Variants in NBAS observed in about 807,000 individuals in gnomAD.
NBAS encodes NAG/BC035112 fusion.
Under a neutral mutation model 302.5 loss-of-function variants are expected in NBAS, and 219 were observed. The observed-to-expected ratio is 0.72, with a 90% confidence interval of 0.65 to 0.81. The LOEUF is 0.81. NBAS is among the 30% of genes least tolerant of loss of function. The pLI, the probability that NBAS is intolerant of heterozygous loss-of-function variation, is 0.00. For synonymous variants in NBAS, 1,118 were observed against 1,021.6 expected, an observed-to-expected ratio of 1.09 and a Z score of -1.80; for missense variants, 2,932 against 2,841.6, an observed-to-expected ratio of 1.03 and a Z score of -0.72.
intron 11 of NBAS, among the ~76,000 whole-genome samples, chr2:15,491,617 T>C (rs1175093343): frequency 6.6e-6 from 1 of 151,834 alleles, no homozygotes; most frequent in Non-Finnish European, 1.5e-5. Context: ...GCGCCTGTAG[T>C]CCCAACTACT....
At chr2:15,049,172 C>T in the NBAS span, among the ~76,000 whole-genome samples, 1 of 152,188 alleles carries the variant, frequency 6.6e-6, no homozygotes, top group Non-Finnish European at 1.5e-5. Context: ...GACTCAAGGC[C>T]GGCAGCTGCG....
chr2:15,033,022 G>GACT, the NBAS span, among the ~76,000 whole-genome samples: 65 of 152,188 alleles, frequency 4.3e-4, no homozygotes, highest in Admixed American at 4.3e-3. Context: ...TTAAGAACTT[G>GACT]ACTACTATCC....
intron 21 of NBAS, among the ~76,000 whole-genome samples, chr2:15,443,722 T>A (rs1319448618): frequency 6.6e-6 from 1 of 150,946 alleles, no homozygotes; most frequent in African/African-American, 2.4e-5. Flanking sequence ...TGTCCCTGTT[T>A]GCAGACGACA....
chr2:15,006,492 T>C, the NBAS span, among the ~76,000 whole-genome samples: 8 of 152,094 alleles, frequency 5.3e-5, no homozygotes, highest in Non-Finnish European at 1.0e-4. Flanking sequence ...ACTGAAAAAA[T>C]ATTAATTGTA....
At chr2:14,788,126 C>T in the NBAS span, among the ~76,000 whole-genome samples, 5 of 152,300 alleles carry the variant, frequency 3.3e-5, no homozygotes, top group South Asian at 1.0e-3. Context: ...GCTCCTGAGG[C>T]TCTTGCATTC....
At chr2:15,548,634 C>T (rs928902524) in intron 6 of NBAS, among the ~76,000 whole-genome samples, 1 of 151,856 alleles carries the variant, frequency 6.6e-6, no homozygotes, top group Non-Finnish European at 1.5e-5. Context: ...CAGAGCAAGA[C>T]TTCATCTCAA....
the NBAS span, among the ~76,000 whole-genome samples, chr2:15,059,394 G>A: frequency 6.6e-6 from 1 of 151,968 alleles, no homozygotes; most frequent in African/African-American, 2.4e-5. Flanking sequence ...GAATTATAAG[G>A]TTTCTTAACC....
the NBAS span, among the ~76,000 whole-genome samples, chr2:15,148,347 T>C: frequency 6.6e-6 from 1 of 152,178 alleles, no homozygotes; most frequent in Non-Finnish European, 1.5e-5. Flanking sequence ...GTGGTCACTG[T>C]GGTTCTCTGC....
At chr2:15,264,756 G>C (rs1373032002) in intron 44 of NBAS, among the ~76,000 whole-genome samples, 1 of 152,164 alleles carries the variant, frequency 6.6e-6, no homozygotes, top group Admixed American at 6.6e-5. Flanking sequence ...TTTACTTCAT[G>C]GAGCTGGTGG....
the NBAS span, among the ~76,000 whole-genome samples, chr2:15,102,209 C>A: frequency 2.9e-3 from 445 of 152,232 alleles, 1 homozygote; most frequent in African/African-American, 0.01. Flanking sequence ...TGAGAGAAGA[C>A]GCAAGGTCAA....
At chr2:15,133,540 A>C in the NBAS span, among the ~76,000 whole-genome samples, 1 of 152,210 alleles carries the variant, frequency 6.6e-6, no homozygotes, top group Non-Finnish European at 1.5e-5. Context: ...ATATATGTCC[A>C]GTAGCTTTGG....
Position 15,328,245 on chromosome 2 carries a change from C to A in NBAS, c.4415G>T (p.Cys1472Phe). Reference protein sequence around the residue: ...TANEDLEKQGCHPFYESVISN... With the variant: ...TANEDLEKQGFHPFYESVISN... The stretch of plus-strand genomic sequence containing the variant: ...GATGACAGATTCATAAAAAGGATGA[C>A]ACCCTTGTTTCTCTAGATCTTCATT... The change falls in exon 37 of 52, where the codon TGT becomes TTT. Residue 1472 changes from cysteine to phenylalanine, a missense_variant. Cys to Phe is a radical substitution (Grantham distance 205). Transcript: ENST00000281513. 6.2e-7 allele frequency: 1 copy of A among 1,613,962 alleles called. No homozygotes were observed. The highest frequency in any genetic ancestry group is 8.5e-7 in the Non-Finnish European group (1 of 1,179,918).
the NBAS span, among the ~76,000 whole-genome samples, chr2:14,804,839 G>C: frequency 6.6e-6 from 1 of 152,154 alleles, no homozygotes; most frequent in Non-Finnish European, 1.5e-5. Context: ...ACTTGGAAAG[G>C]TTAGATAGTT....
At chr2:15,510,127 C>T (rs1230767011) in intron 10 of NBAS, among the ~76,000 whole-genome samples, 1 of 152,218 alleles carries the variant, frequency 6.6e-6, no homozygotes, top group Admixed American at 6.5e-5. Flanking sequence ...GGATTACAGG[C>T]GTGAGCCACC....
chr2:15,367,913 T>A lies in NBAS; in HGVS notation c.3704-1220A>T, dbSNP rs16862527. On this transcript the variant is annotated intron_variant, in intron 31 of 51. Transcript: ENST00000281513. ...TTAATAATTTGCGCCTTCACACATGTCCATGTGCAATCATGCATGCATACA... is the reference window on the plus strand; with the variant it reads ...TTAATAATTTGCGCCTTCACACATGACCATGTGCAATCATGCATGCATACA... Among the ~76,000 whole-genome samples the A allele has an allele frequency of 5.4e-3, 820 of 152,304 alleles. 8 individuals carry two copies. The highest frequency in any genetic ancestry group is 0.018 in the African/African-American group (750 of 41,554).
chr2:14,946,391 T>C, the NBAS span, among the ~76,000 whole-genome samples: 6,567 of 152,006 alleles, frequency 0.043, 435 homozygotes, highest in African/African-American at 0.15. Flanking sequence ...AAGGAAACCA[T>C]ACAGGCCAGG....
At chr2:14,811,350 C>T in the NBAS span, among the ~76,000 whole-genome samples, 2 of 152,022 alleles carry the variant, frequency 1.3e-5, no homozygotes, top group East Asian at 3.9e-4. Flanking sequence ...TTCAAGGCTG[C>T]AGTAAGCTAT....
the NBAS span, among the ~76,000 whole-genome samples, chr2:15,130,312 A>T: frequency 2.0e-5 from 3 of 152,046 alleles, no homozygotes; most frequent in African/African-American, 7.2e-5. Flanking sequence ...TTATTCATGG[A>T]TATTTGGGTC....
At chr2:15,015,438 C>T in the NBAS span, among the ~76,000 whole-genome samples, 10 of 152,168 alleles carry the variant, frequency 6.6e-5, no homozygotes, top group Non-Finnish European at 1.3e-4. Context: ...GGTCATTCAT[C>T]ATGACCAAGT....
Sources: allele counts gnomAD v4.1 joint callset (sites outside exome capture counted in the v4.1 genomes callset), GRCh38; gene constraint gnomAD v4.1.1; transcripts MANE v1.5; gene names NCBI Gene and HGNC (gene_info 2026-07-23, HGNC 2026-07-21).